The following OTULIN variants were observed in gnomAD, a reference collection of about 807,000 sequenced individuals.
OTULIN encodes OTU deubiquitinase with linear linkage specificity, also known as ubiquitin thioesterase otulin.
A neutral mutation model predicts 39.6 loss-of-function variants in OTULIN; 15 were observed. The observed-to-expected ratio is 0.38, with a 90% CI of 0.25 to 0.58. The LOEUF (loss-of-function observed/expected upper bound fraction) is 0.58, where lower values mean the gene tolerates loss of function less well. OTULIN is among the 20% of genes least tolerant of loss of function. The probability of loss-of-function intolerance (pLI) is 0.66; values close to 1 mark genes in which losing one functional copy is unlikely to be tolerated. For missense variants in OTULIN, 319 were observed against 445.9 expected (o/e 0.72, Z 2.56); for synonymous variants, 156 against 170.3 (o/e 0.92, Z 0.65).
chr5:14,705,429 A>G, the OTULIN span: 30 of 152,370 alleles, frequency 2.0e-4, no homozygotes, highest in East Asian at 4.4e-3. Context: ...GGCCTTAGCA[A>G]TAATGGCTCA....
At chr5:14,705,478 A>G in the OTULIN span, 1 of 152,228 alleles carries the variant, frequency 6.6e-6, no homozygotes, top group Non-Finnish European at 1.5e-5. Context: ...GAGGCCAAGA[A>G]GCGTGAGTGA....
downstream of OTULIN, among the ~76,000 whole-genome samples, chr5:14,704,528 A>G (rs1736884007): frequency 6.6e-6 from 1 of 152,098 alleles, no homozygotes; most frequent in Admixed American, 6.6e-5. Context: ...TCAGAGAAGC[A>G]TTTTCATTAC....
At chr5:14,670,897 G>A (rs946881661) in intron 1 of OTULIN, among the ~76,000 whole-genome samples, 1 of 151,674 alleles carries the variant, frequency 6.6e-6, no homozygotes, top group African/African-American at 2.4e-5. Flanking sequence ...TACATTTTCT[G>A]TATGTCCTTG....
At position 14,696,434 on chromosome 5, in the gene OTULIN, A is replaced by C. The variant is rs1736670890; in HGVS notation, c.*3386A>C. On this transcript the variant is annotated 3_prime_UTR_variant, in exon 7 of 7. Coordinates refer to ENST00000284274, the MANE Select transcript of OTULIN (RefSeq NM_138348.6). The stretch of plus-strand genomic sequence containing the variant: ...GACATGCAGTAAAAGAAATGCATTT[A>C]TGTAAGATCTGTGAGTACTTAAAAA... 1 of 152,228 alleles carries C rather than the reference A, an allele frequency of 6.6e-6. No individual in the cohort carries two copies. The highest frequency in any genetic ancestry group is 1.5e-5 in the Non-Finnish European group (1 of 68,032). The allele number at this position is 152,228 out of a possible 1,614,324, so 9.4% of individuals were successfully genotyped here.
chr5:14,712,222 C>T, the OTULIN span, among the ~76,000 whole-genome samples: 2 of 152,248 alleles, frequency 1.3e-5, no homozygotes, highest in South Asian at 2.1e-4. Flanking sequence ...CGTCACGCAC[C>T]GTGAGCAGGC....
the OTULIN span, chr5:14,713,021 G>A: frequency 9.3e-5 from 146 of 1,563,562 alleles, no homozygotes; most frequent in Non-Finnish European, 1.2e-4. This position sits in a 1 kb window ranked among gnomAD's most constrained non-coding sequence, Gnocchi z 4.4. Context: ...GCCAAGTCAA[G>A]GCACAACCGT....
At chr5:14,681,810 A>G (rs1304354214) in intron 4 of OTULIN, among the ~76,000 whole-genome samples, 1 of 152,262 alleles carries the variant, frequency 6.6e-6, no homozygotes, top group Admixed American at 6.5e-5. Context: ...GAAAAATGAT[A>G]AAATTTATAT....
intron 4 of OTULIN, among the ~76,000 whole-genome samples, chr5:14,683,680 A>G (rs1736314084): frequency 6.6e-6 from 1 of 152,234 alleles, no homozygotes; most frequent in African/African-American, 2.4e-5. Context: ...GGATAGTGAC[A>G]TAATATCTTC....
At chr5:14,685,789 A>G (rs1032237516) in intron 4 of OTULIN, among the ~76,000 whole-genome samples, 2 of 142,472 alleles carry the variant, frequency 1.4e-5, no homozygotes, top group Admixed American at 1.5e-4. Flanking sequence ...CTCATTTCCC[A>G]GCTCACATCT....
chr5:14,703,623 T>TA (rs1393572563), downstream of OTULIN, among the ~76,000 whole-genome samples: 1 of 152,088 alleles, frequency 6.6e-6, no homozygotes, highest in Non-Finnish European at 1.5e-5. Context: ...CTTGTGGTAT[T>TA]AAGAGTACCA....
chr5:14,683,144 G>A (rs1415770433), intron 4 of OTULIN, among the ~76,000 whole-genome samples: 1 of 152,152 alleles, frequency 6.6e-6, no homozygotes, highest in Admixed American at 6.5e-5. Context: ...GGAGCCAAGT[G>A]TGGTGGCGCC....
the OTULIN span, among the ~76,000 whole-genome samples, chr5:14,716,511 TAAATA>T: frequency 6.6e-6 from 1 of 151,398 alleles, no homozygotes; most frequent in Admixed American, 6.6e-5. Flanking sequence ...AATAAATAAA[TAAATA>T]AAATAAAAAG....
At chr5:14,683,157 T>TA (rs371545609) in intron 4 of OTULIN, among the ~76,000 whole-genome samples, 4 of 152,198 alleles carry the variant, frequency 2.6e-5, no homozygotes, top group African/African-American at 9.6e-5. Flanking sequence ...GTGGCGCCTG[T>TA]AGTGTTAGCT....
At chr5:14,701,705 A>G (rs1736799146), downstream of OTULIN, among the ~76,000 whole-genome samples, 1 of 152,178 alleles carries the variant, frequency 6.6e-6, no homozygotes, top group African/African-American at 2.4e-5. Flanking sequence ...GCCGGGTGCC[A>G]TCAGGAGTCC....
At chr5:14,676,305 G>T (rs914389502) in intron 2 of OTULIN, among the ~76,000 whole-genome samples, 2 of 152,192 alleles carry the variant, frequency 1.3e-5, no homozygotes, top group Admixed American at 1.3e-4. Flanking sequence ...CAGCGTCTGT[G>T]TAGTTTGCAA....
At chr5:14,680,567 A>G (rs1412544316) in intron 3 of OTULIN, among the ~76,000 whole-genome samples, 1 of 152,118 alleles carries the variant, frequency 6.6e-6, no homozygotes, top group Admixed American at 6.5e-5. Flanking sequence ...AGTCTCAAGG[A>G]CTGTGCATGT....
At chr5:14,692,804 C>A in intron 6 of OTULIN, 50 bp from the exon 7 acceptor site, 1 of 1,557,268 alleles carries the variant, frequency 6.4e-7, no homozygotes, top group Non-Finnish European at 8.8e-7. Context: ...TGTTAAGCCA[C>A]GTTTTTCAGT....
In OTULIN at chr5:14,695,020, A is replaced by G. The variant is rs1736630190; in HGVS notation, c.*1972A>G. 1 of 152,200 alleles carries G rather than the reference A, an allele frequency of 6.6e-6. No homozygotes were observed. Among genetic ancestry groups the G allele is most frequent in the African/African-American group, 2.4e-5 (1 of 41,446 alleles). 9.4% of individuals were successfully genotyped at this position (152,200 alleles called of 1,614,324 possible). ...ACCATCAGTTTATATATGTCATTGA[A>G]TTTTAAGAATACTCATGTTAATAAT... On this transcript the variant is annotated 3_prime_UTR_variant, in exon 7 of 7. Transcript: ENST00000284274.
At chr5:14,714,229 G>A in the OTULIN span, among the ~76,000 whole-genome samples, 1 of 152,208 alleles carries the variant, frequency 6.6e-6, no homozygotes, top group Non-Finnish European at 1.5e-5. Flanking sequence ...TCCTAATGGT[G>A]TGGGCCCTCG....
Sources: allele counts gnomAD v4.1 joint callset (sites outside exome capture counted in the v4.1 genomes callset), GRCh38; gene constraint gnomAD v4.1.1; non-coding constraint Gnocchi (gnomAD v3.1); transcripts MANE v1.5; gene names NCBI Gene and HGNC (gene_info 2026-07-23, HGNC 2026-07-21).